Variants in LRRTM4 observed in about 807,000 individuals in gnomAD.
The protein encoded by LRRTM4 is leucine rich repeat transmembrane neuronal 4.
LRRTM4 carries 25 observed loss-of-function variants against 47.6 expected under a neutral mutation model. The ratio of observed to expected loss-of-function variants is 0.53; its 90% CI spans 0.38 to 0.73. LRRTM4 has a LOEUF of 0.73. Among genes scored for constraint, LRRTM4 ranks in the 30% least tolerant of loss-of-function variants. The pLI is 0.00. For missense variants in LRRTM4, 638 were observed against 713.4 expected, an observed-to-expected ratio of 0.89 and a Z score of 1.20; for synonymous variants, 311 against 269.5, an observed-to-expected ratio of 1.15 and a Z score of -1.51.
At chr2:76,939,606 A>G (rs1185095806) in intron 3 of LRRTM4, among the ~76,000 whole-genome samples, 1 of 151,910 alleles carries the variant, frequency 6.6e-6, no homozygotes, top group African/African-American at 2.4e-5. Context: ...AATAGAACCA[A>G]TATTTTACTT....
chr2:76,941,597 A>T (rs1419038639), intron 3 of LRRTM4, among the ~76,000 whole-genome samples: 1 of 152,036 alleles, frequency 6.6e-6, no homozygotes, highest in African/African-American at 2.4e-5. Flanking sequence ...AGTTTGTTAA[A>T]AATAATGGTT....
At chr2:77,274,465 GAACT>G (rs1676287884) in intron 3 of LRRTM4, among the ~76,000 whole-genome samples, 1 of 152,084 alleles carries the variant, frequency 6.6e-6, no homozygotes, top group Admixed American at 6.6e-5. Context: ...TTTATTTAAA[GAACT>G]AACAGATATG....
intron 3 of LRRTM4, among the ~76,000 whole-genome samples, chr2:76,976,694 G>A (rs1486282574): frequency 6.6e-6 from 1 of 151,778 alleles, no homozygotes; most frequent in African/African-American, 2.4e-5. Flanking sequence ...ATTAGGGGCT[G>A]GGATATCCGT....
intron 3 of LRRTM4, among the ~76,000 whole-genome samples, chr2:77,019,442 T>C (rs1255393852): frequency 6.6e-6 from 1 of 152,044 alleles, no homozygotes; most frequent in East Asian, 1.9e-4. Flanking sequence ...ACTTTCTATG[T>C]GACCTCAGGA....
intron 3 of LRRTM4, among the ~76,000 whole-genome samples, chr2:77,436,847 C>A (rs2103918183): frequency 6.6e-6 from 1 of 151,924 alleles, no homozygotes. Context: ...TTTCTCTAAA[C>A]AACAAAAATA....
intron 3 of LRRTM4, among the ~76,000 whole-genome samples, chr2:76,885,819 T>C (rs1195233686): frequency 1.3e-5 from 2 of 152,146 alleles, no homozygotes; most frequent in East Asian, 1.9e-4. Flanking sequence ...TGTGGGAATT[T>C]TATGAAAAAT....
chr2:77,514,740 A>G (rs1679145832), intron 3 of LRRTM4, among the ~76,000 whole-genome samples: 1 of 151,942 alleles, frequency 6.6e-6, no homozygotes, highest in Non-Finnish European at 1.5e-5. Flanking sequence ...AATGTACAAA[A>G]CAAACTACAA....
In LRRTM4 at chr2:77,496,380, A is replaced by AATAG. The variant is rs2104062197; in HGVS notation, c.1551+21934_1551+21937dup. Among the ~76,000 whole-genome samples, 3 of 151,978 alleles carry AATAG rather than the reference A, an allele frequency of 2.0e-5. 1 individual carries two copies. In the East Asian group the frequency reaches 5.8e-4, roughly 29 times the overall value. ...GTATAATGTCATATAGGGTGGTGAG[A>AATAG]ATAGATACTTTTGTCTTGCTCCTGA... On this transcript the variant is annotated intron_variant, in intron 3 of 3. Transcript: ENST00000409884.
At chr2:76,823,449 CCT>C (rs1481467962) in intron 3 of LRRTM4, among the ~76,000 whole-genome samples, 2 of 151,374 alleles carry the variant, frequency 1.3e-5, no homozygotes, top group East Asian at 3.9e-4. Flanking sequence ...GTGAGTTATT[CCT>C]CTGAGTATAC....
intron 3 of LRRTM4, among the ~76,000 whole-genome samples, chr2:76,775,053 C>T (rs927561581): frequency 6.6e-6 from 1 of 152,164 alleles, no homozygotes; most frequent in Admixed American, 6.5e-5. Flanking sequence ...CTCCAAGATA[C>T]ATATCTTGAA....
At chr2:77,290,158 C>T (rs1307665233) in intron 3 of LRRTM4, among the ~76,000 whole-genome samples, 8 of 151,818 alleles carry the variant, frequency 5.3e-5, no homozygotes, top group Non-Finnish European at 4.4e-5. Context: ...AAGCCCAGTC[C>T]ACACTAATGT....
At chr2:77,061,108 T>G (rs1158835376) in intron 3 of LRRTM4, among the ~76,000 whole-genome samples, 1 of 151,674 alleles carries the variant, frequency 6.6e-6, no homozygotes, top group African/African-American at 2.4e-5. Flanking sequence ...CATTAGAGTT[T>G]TTTTTTTTTA....
intron 3 of LRRTM4, among the ~76,000 whole-genome samples, chr2:77,225,010 T>A (rs1441506615): frequency 6.6e-6 from 1 of 152,042 alleles, no homozygotes. Flanking sequence ...GTGGCACATC[T>A]ACACCATGGA....
At chr2:77,312,496 A>C (rs1019136995) in intron 3 of LRRTM4, among the ~76,000 whole-genome samples, 4 of 152,326 alleles carry the variant, frequency 2.6e-5, no homozygotes, top group Non-Finnish European at 5.9e-5. Context: ...TTTAAAGACA[A>C]ATACATTTAA....
chr2:77,166,788 C>A (rs990987688), intron 3 of LRRTM4, among the ~76,000 whole-genome samples: 2 of 152,076 alleles, frequency 1.3e-5, no homozygotes, highest in African/African-American at 4.8e-5. Context: ...TTCCTTACAC[C>A]TTATACAAAA....
At chr2:77,303,490 T>C (rs1026767907) in intron 3 of LRRTM4, among the ~76,000 whole-genome samples, 1 of 152,182 alleles carries the variant, frequency 6.6e-6, no homozygotes, top group African/African-American at 2.4e-5. Flanking sequence ...ATGATTACTT[T>C]AAGTGGTGAG....
chr2:77,308,478 AT>A (rs1677352974), intron 3 of LRRTM4, among the ~76,000 whole-genome samples: 1 of 152,094 alleles, frequency 6.6e-6, no homozygotes. Flanking sequence ...AATTTGAGGA[AT>A]TTAGATCATA....
chr2:77,092,539 G>A, intron 3 of LRRTM4, among the ~76,000 whole-genome samples: 1 of 137,138 alleles, frequency 7.3e-6, no homozygotes, highest in East Asian at 2.6e-4. Flanking sequence ...GGATTATTCA[G>A]GCCCCCTCCT....
chr2:77,380,843 C>T (rs761082942), intron 3 of LRRTM4, among the ~76,000 whole-genome samples: 6 of 150,900 alleles, frequency 4.0e-5, no homozygotes, highest in South Asian at 2.1e-4. Context: ...TAATTAAGTT[C>T]GTATGTATTT....
Sources: gnomAD v4.1 joint callset for allele counts (sites outside exome capture counted in the v4.1 genomes callset) on GRCh38, gnomAD v4.1.1 for gene constraint, MANE v1.5 for transcripts, NCBI Gene and HGNC (gene_info 2026-07-23, HGNC 2026-07-21) for gene names.